Variants in FBXL7 observed in about 807,000 individuals in gnomAD.
FBXL7 encodes F-box and leucine rich repeat protein 7, also known as F-box/LRR-repeat protein 7.
In FBXL7, 12 loss-of-function variants were observed where a neutral mutation model predicts 38.3. The observed-to-expected ratio is 0.31, with a 90% CI of 0.20 to 0.51. FBXL7 has a LOEUF of 0.51. Among genes scored for constraint, FBXL7 ranks in the 20% least tolerant of loss-of-function variants. The pLI is 0.98. For synonymous variants in FBXL7, 297 were observed against 300.9 expected, an observed-to-expected ratio of 0.99 and a Z score of 0.13; for missense variants, 567 against 676.4, an observed-to-expected ratio of 0.84 and a Z score of 1.79.
At chr5:15,845,893 C>A (rs925651162) in intron 2 of FBXL7, among the ~76,000 whole-genome samples, 6 of 152,120 alleles carry the variant, frequency 3.9e-5, no homozygotes. Context: ...ATGGCGTGAA[C>A]CCCAGGAGGC....
chr5:15,927,972 A>G lies in FBXL7; in HGVS notation c.210A>G (p.Gly70=). The part of the protein sequence containing the change: ...CPPNLPGFQN[G]RGSSTSSSSI... ...CGAATCTCCCAGGATTTCAGAATGG[A>G]AGGGGCTCGTCCACCTCCTCGTCCT... Residue 70 remains glycine (G), a synonymous_variant, in exon 3 of 4, where the codon GGA becomes GGG. Coordinates refer to ENST00000504595, the MANE Select transcript of FBXL7 (RefSeq NM_012304.5). 1 of 1,585,760 alleles carries G rather than the reference A, an allele frequency of 6.3e-7. No individual in the cohort carries two copies. The highest frequency in any genetic ancestry group is 1.3e-5 in the African/African-American group (1 of 74,590).
chr5:15,699,471 T>A (rs1470744060), intron 2 of FBXL7, among the ~76,000 whole-genome samples: 2 of 152,276 alleles, frequency 1.3e-5, no homozygotes, highest in South Asian at 4.1e-4. Context: ...CCTCTTTCTA[T>A]GAGAGAACCC....
At chr5:15,696,763 A>T (rs929085928) in intron 2 of FBXL7, among the ~76,000 whole-genome samples, 3 of 152,246 alleles carry the variant, frequency 2.0e-5, no homozygotes, top group Non-Finnish European at 4.4e-5. Flanking sequence ...ATTCCCAGAT[A>T]GACATTGAGA....
At position 15,937,042 on chromosome 5, in the gene FBXL7, G is replaced by T. The variant is rs1742215300; in HGVS notation, c.1332G>T (p.Gln444His). The change falls in exon 4 of 4, where the codon CAG (glutamine) becomes CAT (histidine). Residue 444 changes from glutamine to histidine, a missense_variant. Physicochemically the swap from Gln to His is conservative, Grantham distance 24. Coordinates refer to ENST00000504595, the MANE Select transcript of FBXL7 (RefSeq NM_012304.5). ...AGTCCTGCGAGAGCATCACCGGCCA[G>T]GGCTTGCAGATCGTGGCCGCCAACT... is the stretch of plus-strand genomic sequence containing the variant. ...SLKSCESITG[Q>H]GLQIVAANCF... The T allele has an allele frequency of 6.2e-7, 1 of 1,614,006 alleles. No homozygotes were observed. Among genetic ancestry groups the T allele is most frequent in the Non-Finnish European group, 8.5e-7 (1 of 1,179,900 alleles).
chr5:15,521,673 C>G (rs1346690649), intron 1 of FBXL7, among the ~76,000 whole-genome samples: 1 of 152,130 alleles, frequency 6.6e-6, no homozygotes, highest in African/African-American at 2.4e-5. Context: ...TTAAAACTGT[C>G]GAGACACTGA....
intron 2 of FBXL7, among the ~76,000 whole-genome samples, chr5:15,686,338 C>T (rs1342064779): frequency 6.6e-6 from 1 of 152,044 alleles, no homozygotes; most frequent in Non-Finnish European, 1.5e-5. Context: ...TTTAGAAAGC[C>T]CTGCATTTGG....
intron 2 of FBXL7, among the ~76,000 whole-genome samples, chr5:15,645,337 T>C (rs554414585): frequency 1.3e-5 from 2 of 152,094 alleles, no homozygotes; most frequent in African/African-American, 2.4e-5. Flanking sequence ...CTGAGATAGA[T>C]GCATATCTGG....
chr5:15,824,060 T>C (rs1738241584), intron 2 of FBXL7, among the ~76,000 whole-genome samples: 2 of 151,892 alleles, frequency 1.3e-5, no homozygotes, highest in South Asian at 2.1e-4. Flanking sequence ...GGCGGATCAC[T>C]TGAGGTCAGG....
At chr5:15,532,828 A>G (rs367792427) in intron 1 of FBXL7, among the ~76,000 whole-genome samples, 5 of 152,230 alleles carry the variant, frequency 3.3e-5, no homozygotes, top group Non-Finnish European at 7.3e-5. Context: ...CAGTGGCTGT[A>G]GTGGTGGATG....
chr5:15,919,615 A>G (rs936876188), intron 2 of FBXL7, among the ~76,000 whole-genome samples: 2 of 152,248 alleles, frequency 1.3e-5, no homozygotes, highest in Non-Finnish European at 2.9e-5. Flanking sequence ...AGATGATTAT[A>G]TTAACATAAA....
intron 2 of FBXL7, among the ~76,000 whole-genome samples, chr5:15,657,583 C>T (rs1281842709): frequency 6.6e-6 from 1 of 152,112 alleles, no homozygotes; most frequent in Admixed American, 6.5e-5. Context: ...CCTGTAATCC[C>T]AGCACTTTGG....
In FBXL7 at chr5:15,820,675, TGTTA is replaced by T. The variant is rs772337235; in HGVS notation, c.128-107211_128-107208del. Among the ~76,000 whole-genome samples the T allele has an allele frequency of 8.5e-5, 13 of 152,154 alleles. No homozygotes were observed. The East Asian group carries it at 1.4e-3, about 16-fold the overall frequency. On this transcript the variant is annotated intron_variant, in intron 2 of 3. Transcript: ENST00000504595. The stretch of plus-strand genomic sequence containing the variant: ...GACTTGACCACACCCCAAGATCTAG[TGTTA>T]GTTCTGGATTTCTCCGCATCAAAAA...
intron 2 of FBXL7, among the ~76,000 whole-genome samples, chr5:15,636,114 T>A (rs1225189345): frequency 2.7e-5 from 4 of 150,618 alleles, no homozygotes; most frequent in East Asian, 2.0e-4. Context: ...TTTTTTTTTT[T>A]AATTTTCTCT....
chr5:15,616,122 AT>A, intron 2 of FBXL7, 50 bp downstream of exon 2: 1 of 1,334,408 alleles, frequency 7.5e-7, no homozygotes, highest in Non-Finnish European at 1.1e-6. Flanking sequence ...AGGGCTGGCT[AT>A]TTTTGGAACA....
intron 2 of FBXL7, among the ~76,000 whole-genome samples, chr5:15,818,704 G>A (rs180771972): frequency 3.9e-3 from 133 of 34,368 alleles, no homozygotes; most frequent in African/African-American, 0.019. Context: ...CCATTATTTC[G>A]TGTGTGTGTG....
At chr5:15,803,752 C>A (rs1737632728) in intron 2 of FBXL7, among the ~76,000 whole-genome samples, 2 of 152,128 alleles carry the variant, frequency 1.3e-5, no homozygotes, top group African/African-American at 4.8e-5. Flanking sequence ...CATCTTTTCC[C>A]CCTCCTCCTG....
intron 2 of FBXL7, among the ~76,000 whole-genome samples, chr5:15,746,690 G>A (rs1248810514): frequency 1.3e-5 from 2 of 151,824 alleles, no homozygotes; most frequent in Non-Finnish European, 2.9e-5. Context: ...ATAAACATTC[G>A]GTTTCTGGCA....
intron 3 of FBXL7, among the ~76,000 whole-genome samples, chr5:15,934,157 A>C (rs2126469959): frequency 6.6e-6 from 1 of 152,180 alleles, no homozygotes; most frequent in African/African-American, 2.4e-5. Flanking sequence ...GGCATGCACC[A>C]CCATACCTGG....
rs139136304 is a variant in FBXL7, at chr5:15,932,143, C to G, written c.739+3642C>G. On this transcript the variant is annotated intron_variant, in intron 3 of 3. Transcript: ENST00000504595. The stretch of plus-strand genomic sequence containing the variant: ...CTTAAAGTTCCCTTTGGTTAATACT[C>G]TAAGCAAGGATTTAGGAAGCTGCAG... 2.5e-3 allele frequency among the ~76,000 whole-genome samples: 384 copies of G among 152,280 alleles called. 5 individuals carry two copies. Among genetic ancestry groups the G allele is most frequent in the Admixed American group, 0.022 (332 of 15,296 alleles).
Sources: allele counts gnomAD v4.1 joint callset (sites outside exome capture counted in the v4.1 genomes callset), GRCh38; gene constraint gnomAD v4.1.1; transcripts MANE v1.5; gene names NCBI Gene and HGNC (gene_info 2026-07-23, HGNC 2026-07-21).